Variants in MARCHF1 observed in about 807,000 individuals in gnomAD.
MARCHF1 encodes the protein E3 ubiquitin-protein ligase MARCHF1.
In MARCHF1, 40 loss-of-function variants were observed where a neutral mutation model predicts 54.2. That is an observed-to-expected ratio of 0.74 (90% CI 0.57 to 0.96). MARCHF1 has a LOEUF of 0.96. MARCHF1 is among the 40% of genes least tolerant of loss of function. The probability of loss-of-function intolerance (pLI) is 0.00; values close to 1 mark genes in which losing one functional copy is unlikely to be tolerated. For synonymous variants in MARCHF1, 236 were observed against 236.3 expected, an observed-to-expected ratio of 1.00 and a Z score of 0.01; for missense variants, 586 against 656.5, an observed-to-expected ratio of 0.89 and a Z score of 1.17.
chr4:163,876,798 G>A (rs1488799767), intron 3 of MARCHF1, among the ~76,000 whole-genome samples: 25 of 152,122 alleles, frequency 1.6e-4, no homozygotes, highest in Admixed American at 1.6e-3. Context: ...TCTTGCATGT[G>A]CGTGTAGAAT....
intron 9 of MARCHF1, among the ~76,000 whole-genome samples, chr4:163,531,192 A>T (rs1052075970): frequency 2.6e-5 from 4 of 151,916 alleles, no homozygotes; most frequent in Non-Finnish European, 5.9e-5. Context: ...AAGAAAAGTT[A>T]TAGGCCAGTA....
intron 1 of MARCHF1, among the ~76,000 whole-genome samples, chr4:164,374,757 GTTAC>G (rs1223387525): frequency 6.6e-6 from 1 of 151,972 alleles, no homozygotes; most frequent in South Asian, 2.1e-4. Flanking sequence ...TCATGTAGTA[GTTAC>G]TTAATAAATA....
chr4:163,999,244 C>T (rs151322457), intron 2 of MARCHF1, among the ~76,000 whole-genome samples: 47 of 150,878 alleles, frequency 3.1e-4, no homozygotes, highest in Middle Eastern at 3.4e-3. Context: ...TAAAAAAAAC[C>T]GACAAAAAAT....
chr4:164,100,116 T>C (rs4691954), intron 2 of MARCHF1, among the ~76,000 whole-genome samples: 1 of 152,176 alleles, frequency 6.6e-6, no homozygotes, highest in African/African-American at 2.4e-5. Flanking sequence ...ACTCATGTTA[T>C]ATAGCAAGCA....
At chr4:163,660,300 G>T (rs1440952590) in intron 5 of MARCHF1, among the ~76,000 whole-genome samples, 1 of 151,902 alleles carries the variant, frequency 6.6e-6, no homozygotes, top group Non-Finnish European at 1.5e-5. Flanking sequence ...AACTGACACA[G>T]GAACAGAAAA....
chr4:164,138,656 A>G (rs1756455200), intron 1 of MARCHF1, among the ~76,000 whole-genome samples: 1 of 152,204 alleles, frequency 6.6e-6, no homozygotes, highest in Non-Finnish European at 1.5e-5. Context: ...AGCAAGTGTC[A>G]GTCATTATCA....
intron 8 of MARCHF1, among the ~76,000 whole-genome samples, chr4:163,551,776 A>G (rs1560937147): frequency 1.3e-5 from 2 of 152,186 alleles, no homozygotes; most frequent in East Asian, 1.9e-4. Context: ...AAGTCTCACG[A>G]GATCTGATGG....
intron 4 of MARCHF1, among the ~76,000 whole-genome samples, chr4:163,798,040 T>C (rs1747968673): frequency 6.6e-6 from 1 of 152,182 alleles, no homozygotes; most frequent in South Asian, 2.1e-4. Context: ...TAGGGGGTGC[T>C]ATGGACTGAA....
chr4:163,833,445 A>AG (rs1447174261), intron 4 of MARCHF1, among the ~76,000 whole-genome samples: 1 of 152,184 alleles, frequency 6.6e-6, no homozygotes, highest in African/African-American at 2.4e-5. Flanking sequence ...ACAGAATGGG[A>AG]GAAAATTTTT....
At chr4:163,541,624 AT>A (rs1195183484) in intron 9 of MARCHF1, among the ~76,000 whole-genome samples, 1 of 152,010 alleles carries the variant, frequency 6.6e-6, no homozygotes, top group Non-Finnish European at 1.5e-5. Flanking sequence ...CATATGAGGA[AT>A]TTTTTTTCTC....
intron 4 of MARCHF1, among the ~76,000 whole-genome samples, chr4:163,736,396 G>A (rs562472093): frequency 6.6e-6 from 1 of 152,136 alleles, no homozygotes; most frequent in South Asian, 2.1e-4. Context: ...GATGGAGCAG[G>A]ACATTGAGAT....
chr4:163,591,489 G>A (rs944330369), intron 7 of MARCHF1, among the ~76,000 whole-genome samples: 10 of 152,172 alleles, frequency 6.6e-5, no homozygotes, highest in African/African-American at 2.4e-4. Context: ...CTGGAATTAT[G>A]AGCTGAATAA....
chr4:163,819,671 C>T (rs1190008018), intron 4 of MARCHF1, among the ~76,000 whole-genome samples: 1 of 152,120 alleles, frequency 6.6e-6, no homozygotes, highest in African/African-American at 2.4e-5. Flanking sequence ...TCTTACTTTA[C>T]AAAGAAAATA....
intron 3 of MARCHF1, among the ~76,000 whole-genome samples, chr4:163,930,739 G>A (rs1487643262): frequency 6.6e-6 from 1 of 152,086 alleles, no homozygotes; most frequent in Non-Finnish European, 1.5e-5. Flanking sequence ...ATCCTTGTAT[G>A]ATTTAGATGA....
intron 3 of MARCHF1, among the ~76,000 whole-genome samples, chr4:163,872,488 A>G (rs1750190123): frequency 6.6e-6 from 1 of 152,242 alleles, no homozygotes; most frequent in South Asian, 2.1e-4. Context: ...TCTACAATAA[A>G]TAAGTGGTGT....
chr4:164,318,602 A>G lies in MARCHF1; in HGVS notation c.-323+65268T>C, dbSNP rs151296697. 1.4e-3 allele frequency among the ~76,000 whole-genome samples: 208 copies of G among 152,338 alleles called. 1 individual carries two copies. The highest frequency in any genetic ancestry group is 4.4e-3 in the African/African-American group (185 of 41,588). On this transcript the variant is annotated intron_variant, in intron 1 of 9. Coordinates refer to ENST00000514618, the MANE Select transcript of MARCHF1 (RefSeq NM_001394959.1). ...AAGCAATTGCTTTGAGTTTCATACAATGAAAAACAAGGATAATTGGCCTAT... is the reference window on the plus strand; with the variant it reads ...AAGCAATTGCTTTGAGTTTCATACAGTGAAAAACAAGGATAATTGGCCTAT...
chr4:164,248,436 C>A (rs1733024339), intron 1 of MARCHF1, among the ~76,000 whole-genome samples: 1 of 151,938 alleles, frequency 6.6e-6, no homozygotes, highest in Admixed American at 6.6e-5. Context: ...GACAGTGATT[C>A]TTGGAGAAAA....
At chr4:163,916,809 C>T (rs1484022739) in intron 3 of MARCHF1, among the ~76,000 whole-genome samples, 1 of 152,136 alleles carries the variant, frequency 6.6e-6, no homozygotes, top group Non-Finnish European at 1.5e-5. Context: ...CACAAGAGTG[C>T]TACATCAATT....
rs540838059 is a variant in MARCHF1 at position 163,575,131 on chromosome 4, T to C, written c.1191+10618A>G. On this transcript the variant is annotated intron_variant, in intron 8 of 9. Coordinates refer to ENST00000514618, the MANE Select transcript of MARCHF1 (RefSeq NM_001394959.1). ...TCTCAAGCAGACTGCATCCAGCTTT[T>C]GTCCATTAAGTATGATGTTGACTGT... 1.4e-4 allele frequency among the ~76,000 whole-genome samples: 22 copies of C among 152,174 alleles called. No individual in the cohort carries two copies. In the South Asian group the frequency reaches 4.3e-3, roughly 30 times the overall value.
Sources: allele counts gnomAD v4.1 joint callset (sites outside exome capture counted in the v4.1 genomes callset), GRCh38; gene constraint gnomAD v4.1.1; transcripts MANE v1.5; gene names NCBI Gene and HGNC (gene_info 2026-07-23, HGNC 2026-07-21).